PRKAR1A: variants seen among roughly 807,000 people sequenced by gnomAD.
PRKAR1A encodes cAMP-dependent protein kinase type I-alpha regulatory subunit.
In PRKAR1A, 3 loss-of-function variants were observed where a neutral mutation model predicts 52.0. That is an observed-to-expected ratio of 0.06 (90% confidence interval 0.03 to 0.15). The LOEUF is 0.15. Ranked by LOEUF, PRKAR1A falls within the 10% of genes least tolerant of loss-of-function variation. PRKAR1A has a pLI of 1.00. For synonymous variants in PRKAR1A, 188 were observed against 168.4 expected, an observed-to-expected ratio of 1.12 and a Z score of -0.90; for missense variants, 240 against 477.4, an observed-to-expected ratio of 0.50 and a Z score of 4.63.
intron 7 of PRKAR1A, among the ~76,000 whole-genome samples, chr17:68,527,178 A>G (rs2085818685): frequency 6.6e-6 from 1 of 152,224 alleles, no homozygotes; most frequent in South Asian, 2.1e-4. Flanking sequence ...AAAGGAAATT[A>G]GGGCCTCACA....
At chr17:68,492,117 G>C in the PRKAR1A span, among the ~76,000 whole-genome samples, 2 of 152,218 alleles carry the variant, frequency 1.3e-5, no homozygotes, top group African/African-American at 4.8e-5. Context: ...GGGAGCGTGT[G>C]TTTAAGAAGT....
intron 2 of PRKAR1A, among the ~76,000 whole-genome samples, chr17:68,518,279 G>C (rs1202235526): frequency 6.6e-6 from 1 of 152,202 alleles, no homozygotes; most frequent in East Asian, 1.9e-4. Flanking sequence ...GGGACTCGGT[G>C]TGGGGGCTCC....
chr17:68,436,247 C>T, the PRKAR1A span: 3 of 767,012 alleles, frequency 3.9e-6, no homozygotes, highest in Admixed American at 2.2e-5. Context: ...GTATCACCTT[C>T]TCTTGAACAA....
chr17:68,417,732 A>ATTTTT, the PRKAR1A span, among the ~76,000 whole-genome samples: 13 of 63,186 alleles, frequency 2.1e-4, no homozygotes, highest in Non-Finnish European at 3.7e-4. Context: ...AGAGTTGCTG[A>ATTTTT]ATTTTTTTTT....
At chr17:68,486,999 C>T in the PRKAR1A span, among the ~76,000 whole-genome samples, 1 of 152,088 alleles carries the variant, frequency 6.6e-6, no homozygotes, top group Middle Eastern at 3.4e-3. Context: ...TCGGCCTCCC[C>T]AGTAGCTGGG....
At chr17:68,414,670 G>A in the PRKAR1A span, among the ~76,000 whole-genome samples, 1 of 152,058 alleles carries the variant, frequency 6.6e-6, no homozygotes, top group African/African-American at 2.4e-5. Flanking sequence ...TTTTGTTGTT[G>A]TTGTTGTTGG....
At position 68,515,502 on chromosome 17, in the gene PRKAR1A, A is replaced by G. The variant is rs377513504; in HGVS notation, c.103A>G (p.Ile35Val). ...CATTCAAGCGCTGCTCAAAGATTCTATTGTGCAGTTGTGCACTGCTCGACC... is the reference window on the plus strand; with the variant it reads ...CATTCAAGCGCTGCTCAAAGATTCTGTTGTGCAGTTGTGCACTGCTCGACC... ...HNIQALLKDS[I>V]VQLCTARPER... The change falls in exon 2 of 11, where the codon ATT becomes GTT. Residue 35 changes from isoleucine (I) to valine (V), a missense_variant. Around this residue, in one of 4 missense-constraint regions of PRKAR1A, gnomAD observed 107 missense variants for 114.6 expected, o/e 0.93. Coordinates refer to ENST00000589228, the MANE Select transcript of PRKAR1A (RefSeq NM_002734.5). 1.2e-4 allele frequency: 201 copies of G among 1,613,418 alleles called. No homozygotes were observed. The highest frequency in any genetic ancestry group is 6.5e-4 in the South Asian group (59 of 91,036).
At chr17:68,529,157 T>C (rs563954706) in intron 9 of PRKAR1A, among the ~76,000 whole-genome samples, 166 bp downstream of exon 9, 1 of 152,330 alleles carries the variant, frequency 6.6e-6, no homozygotes, top group East Asian at 1.9e-4. Flanking sequence ...TCTTTTACTT[T>C]GAAATGCTGT....
downstream of PRKAR1A, chr17:68,535,310 T>G (rs1222878335): frequency 2.2e-6 from 1 of 454,024 alleles, no homozygotes; most frequent in East Asian, 6.9e-5. Context: ...CATATCATGG[T>G]GAAATTCAAG....
the PRKAR1A span, among the ~76,000 whole-genome samples, chr17:68,445,249 C>G: frequency 6.6e-6 from 1 of 152,146 alleles, no homozygotes; most frequent in African/African-American, 2.4e-5. Flanking sequence ...GATCAGACCC[C>G]CTGTGCCATG....
intron 1 of PRKAR1A, chr17:68,512,931 G>A (rs898712722): frequency 2.0e-5 from 3 of 152,294 alleles, no homozygotes; most frequent in African/African-American, 7.2e-5. Context: ...TATTTTACTG[G>A]GGTCCGCCAT....
the PRKAR1A span, among the ~76,000 whole-genome samples, chr17:68,457,701 C>T: frequency 1.3e-5 from 2 of 152,144 alleles, no homozygotes; most frequent in Non-Finnish European, 2.9e-5. Context: ...CCATTGGCCA[C>T]GAGCCCAAGC....
chr17:68,461,178 A>G, the PRKAR1A span, among the ~76,000 whole-genome samples: 1 of 152,174 alleles, frequency 6.6e-6, no homozygotes, highest in Non-Finnish European at 1.5e-5. The surrounding 1 kb of genome is among the most constrained non-coding windows in gnomAD (Gnocchi z 4.6). Flanking sequence ...CTAAATGTCT[A>G]TCTTTTCCCT....
chr17:68,513,788 A>G (rs773248417), intron 1 of PRKAR1A, among the ~76,000 whole-genome samples: 2 of 152,210 alleles, frequency 1.3e-5, no homozygotes, highest in African/African-American at 2.4e-5. Context: ...TTCGTAATAC[A>G]TTAGTTGTTT....
chr17:68,432,135 G>A, the PRKAR1A span, among the ~76,000 whole-genome samples: 2 of 152,156 alleles, frequency 1.3e-5, no homozygotes, highest in East Asian at 1.9e-4. Context: ...TTACACCTGT[G>A]CAGATTGGGG....
the PRKAR1A span, among the ~76,000 whole-genome samples, chr17:68,480,302 G>C: frequency 4.5e-4 from 68 of 152,266 alleles, no homozygotes; most frequent in Middle Eastern, 6.8e-3. Flanking sequence ...CTTCTGGGTA[G>C]TGCTATTTAT....
downstream of PRKAR1A, chr17:68,535,396 G>T (rs1260126111): frequency 4.4e-6 from 2 of 454,014 alleles, no homozygotes; most frequent in African/African-American, 4.0e-5. Flanking sequence ...CGTTATAGGA[G>T]GTGGCGGGTT....
upstream of PRKAR1A, among the ~76,000 whole-genome samples, chr17:68,510,922 C>T (rs189739716): frequency 5.9e-5 from 9 of 152,186 alleles, no homozygotes; most frequent in Admixed American, 1.3e-4. Context: ...CCGAGGGCAG[C>T]GCTGCCCAAT....
the PRKAR1A span, among the ~76,000 whole-genome samples, chr17:68,502,463 A>C: frequency 6.6e-6 from 1 of 152,198 alleles, no homozygotes; most frequent in African/African-American, 2.4e-5. Flanking sequence ...AAAATGGCTA[A>C]AATGGGGCCA....
Sources: gnomAD v4.1 joint callset for allele counts (sites outside exome capture counted in the v4.1 genomes callset) on GRCh38, gnomAD v4.1.1 for gene constraint, gnomAD v4.1.1 regional missense constraint, Gnocchi (gnomAD v3.1) non-coding constraint, MANE v1.5 for transcripts, NCBI Gene and HGNC (gene_info 2026-07-23, HGNC 2026-07-21) for gene names.